CYP2R1: variants seen among roughly 807,000 people sequenced by gnomAD.
CYP2R1 encodes cytochrome P450 family 2 subfamily R member 1, also known as vitamin D 25-hydroxylase.
In CYP2R1, 40 loss-of-function variants were observed where a neutral mutation model predicts 45.7. That is an observed-to-expected ratio of 0.87 (90% CI 0.68 to 1.14). CYP2R1 has a LOEUF of 1.14. Ranked by LOEUF, CYP2R1 falls within the 50% of genes most tolerant of loss-of-function variation. CYP2R1 has a pLI of 0.00. For missense variants in CYP2R1, 605 were observed against 602.6 expected, an observed-to-expected ratio of 1.00 and a Z score of -0.04; for synonymous variants, 234 against 219.3, an observed-to-expected ratio of 1.07 and a Z score of -0.59.
intron 1 of CYP2R1, chr11:14,891,676 A>G (rs1555017064): frequency 4.3e-6 from 5 of 1,163,546 alleles, no homozygotes; most frequent in Non-Finnish European, 2.1e-6. Flanking sequence ...GCGGCTGGCG[A>G]GCCAAACGGC....
intron 1 of CYP2R1, chr11:14,887,054 G>A (rs1848647900): frequency 6.6e-6 from 1 of 152,270 alleles, no homozygotes; most frequent in South Asian, 2.1e-4. Context: ...GACAGTAGAA[G>A]AGTTCTAAGT....
Position 14,892,149 on chromosome 11 carries a change from G to A in CYP2R1, c.57C>T (p.Phe19=). Residue 19 remains phenylalanine, a synonymous_variant, in exon 1 of 5, where the codon TTC becomes TTT. Transcript: ENST00000334636. ...GGACCCCTAGCGCGAAGAGCAGCAG[G>A]AAGAGCGCGCCGCCGAGCGCCGCCG... ...EGAAALGGAL[F]LLLFALGVRQ... The A allele has an allele frequency of 6.2e-7, 1 of 1,611,194 alleles. No individual in the cohort carries two copies. Among genetic ancestry groups the A allele is most frequent in the Non-Finnish European group, 8.5e-7 (1 of 1,179,770 alleles).
chr11:14,891,627 C>CCT (rs1305248460), intron 1 of CYP2R1: 2 of 1,093,022 alleles, frequency 1.8e-6, no homozygotes, highest in Non-Finnish European at 2.2e-6. Flanking sequence ...GACGCCCGCA[C>CCT]CTGAGGGCAT....
At chr11:14,884,774 A>AT (rs1848546291) in intron 2 of CYP2R1, among the ~76,000 whole-genome samples, 1 of 152,150 alleles carries the variant, frequency 6.6e-6, no homozygotes, top group South Asian at 2.1e-4. Flanking sequence ...ATGCTTTATG[A>AT]TAAAAACAGT....
chr11:14,881,535 A>G (rs1261288010), intron 2 of CYP2R1, among the ~76,000 whole-genome samples: 1 of 152,126 alleles, frequency 6.6e-6, no homozygotes, highest in Non-Finnish European at 1.5e-5. Flanking sequence ...TAAATTTCAC[A>G]TTGATAAGTG....
chr11:14,890,461 C>T, intron 1 of CYP2R1: 1 of 979,560 alleles, frequency 1.0e-6, no homozygotes, highest in Non-Finnish European at 1.2e-6. Context: ...TTCCCTTTAA[C>T]AACGTAAACT....
At chr11:14,886,024 C>T (rs528079027) in intron 1 of CYP2R1, 107 bp from the exon 2 acceptor site, 7 of 1,108,256 alleles carry the variant, frequency 6.3e-6, no homozygotes, top group South Asian at 1.3e-5. Flanking sequence ...TTTGTTACGT[C>T]CCTGAAAATA....
intron 2 of CYP2R1, among the ~76,000 whole-genome samples, chr11:14,882,174 A>G (rs2134034510): frequency 6.6e-6 from 1 of 152,240 alleles, no homozygotes; most frequent in East Asian, 1.9e-4. Flanking sequence ...GTTCCAGGCA[A>G]TGTTCTAAGT....
chr11:14,882,438 G>A (rs1236424203), intron 2 of CYP2R1, among the ~76,000 whole-genome samples: 4 of 152,136 alleles, frequency 2.6e-5, no homozygotes, highest in African/African-American at 9.7e-5. Flanking sequence ...GTGCCAAGAT[G>A]AAACCAGCCC....
intron 2 of CYP2R1, among the ~76,000 whole-genome samples, chr11:14,881,891 T>A (rs1848401694): frequency 6.6e-6 from 1 of 152,090 alleles, no homozygotes; most frequent in Admixed American, 6.6e-5. Context: ...GCCTCGGGTA[T>A]TTCTTTATAG....
intron 4 of CYP2R1, 92 bp downstream of exon 4, chr11:14,879,022 T>C (rs1848264798): frequency 1.9e-6 from 2 of 1,034,284 alleles, no homozygotes; most frequent in East Asian, 4.9e-5. Flanking sequence ...GATATTTAAT[T>C]CTATAGAAGG....
chr11:14,884,153 C>T (rs1300514967), intron 2 of CYP2R1, among the ~76,000 whole-genome samples: 4 of 151,966 alleles, frequency 2.6e-5, no homozygotes, highest in Non-Finnish European at 5.9e-5. Context: ...ACTAGAAATA[C>T]CATTTGACCC....
At chr11:14,891,512 C>T (rs1848854383) in intron 1 of CYP2R1, 1 of 995,018 alleles carries the variant, frequency 1.0e-6, no homozygotes, top group African/African-American at 1.7e-5. Context: ...CGTTCGTCGA[C>T]TGCAGACACC....
chr11:14,885,140 A>G (rs569854538), intron 2 of CYP2R1, among the ~76,000 whole-genome samples: 1 of 152,332 alleles, frequency 6.6e-6, no homozygotes, highest in African/African-American at 2.4e-5. Flanking sequence ...AATTTAGGAC[A>G]CAACTTTAGT....
intron 1 of CYP2R1, chr11:14,890,394 T>G: frequency 1.2e-6 from 1 of 854,418 alleles, no homozygotes; most frequent in African/African-American, 1.8e-5. Context: ...TCTGGGAGAA[T>G]TGCAGGTTGG....
At position 14,892,036 on chromosome 11, in the gene CYP2R1, G is replaced by A; in HGVS notation, c.170C>T (p.Ala57Val). Residue 57 changes from alanine to valine, a missense_variant, in exon 1 of 5, where the codon GCC (alanine) becomes GTC (valine). Coordinates refer to ENST00000334636, the MANE Select transcript of CYP2R1 (RefSeq NM_024514.5). ...GTAGACATGGGGAAGCTCGGATGAGGCTGCCAGGGAATAGATGTTGCCGAT... is the reference window on the plus strand; with the variant it reads ...GTAGACATGGGGAAGCTCGGATGAGACTGCCAGGGAATAGATGTTGCCGAT... Reference protein sequence around the residue: ...PFIGNIYSLAASSELPHVYMR... With the variant: ...PFIGNIYSLAVSSELPHVYMR... The A allele has an allele frequency of 1.2e-6, 2 of 1,613,226 alleles. No homozygotes were observed. Among genetic ancestry groups the A allele is most frequent in the East Asian group, 2.2e-5 (1 of 44,864 alleles).
intron 2 of CYP2R1, 75 bp downstream of exon 2, chr11:14,885,701 T>A: frequency 2.1e-6 from 3 of 1,450,452 alleles, no homozygotes; most frequent in Non-Finnish European, 1.9e-6. Context: ...CCCAACTGTA[T>A]GCACTAAAAC....
rs187522314 is a variant in CYP2R1 at position 14,879,298 on chromosome 11, T to G, written c.1146A>C (p.Ala382=). Residue 382 remains alanine, a synonymous_variant, in exon 4 of 5, where the codon GCA becomes GCC. Transcript: ENST00000334636. ...CACGTACAACTGCATCTTCAGAGGT[T>G]GCATGGAAAATCCCTAATGGAACTA... ...CNIVPLGIFH[A]TSEDAVVRGY... 6.8e-6 allele frequency: 11 copies of G among 1,613,322 alleles called. No homozygotes were observed. The Admixed American group carries it at 1.8e-4, about 27-fold the overall frequency.
chr11:14,877,945 G>T lies in CYP2R1; in HGVS notation c.*177C>A. ...TTTACCCCAGAAGTCATAAAATCTT[G>T]AAAAACAATCACGACTAGTGCTTGT... is the stretch of plus-strand genomic sequence containing the variant. On this transcript the variant is annotated 3_prime_UTR_variant, in exon 5 of 5. Transcript: ENST00000334636. 1 of 629,760 alleles carries T rather than the reference G, an allele frequency of 1.6e-6. No homozygotes were observed. Among genetic ancestry groups the T allele is most frequent in the South Asian group, 2.5e-5 (1 of 40,620 alleles). 39.0% of individuals were successfully genotyped at this position (629,760 alleles called of 1,614,324 possible).
Sources: gnomAD v4.1 joint callset for allele counts (sites outside exome capture counted in the v4.1 genomes callset) on GRCh38, gnomAD v4.1.1 for gene constraint, MANE v1.5 for transcripts, NCBI Gene and HGNC (gene_info 2026-07-23, HGNC 2026-07-21) for gene names.